Variants in FARP1 observed in about 807,000 individuals in gnomAD.
FARP1 encodes FERM, ARHGEF and pleckstrin domain-containing protein 1.
FARP1 carries 52 observed loss-of-function variants against 128.8 expected under a neutral mutation model. The observed-to-expected ratio is 0.40, with a 90% CI of 0.32 to 0.51. FARP1 has a LOEUF of 0.51. Ranked by LOEUF, FARP1 falls within the 20% of genes least tolerant of loss-of-function variation. The pLI is 0.45. For synonymous variants in FARP1, 580 were observed against 551.8 expected (o/e 1.05, Z -0.72); for missense variants, 1,333 against 1,367.9 (o/e 0.97, Z 0.40).
rs180690289 is a variant in FARP1, at chr13:98,418,836, A to G, written c.1827-5736A>G. ...GTGCCCTGTTGATAACAGGAATGAT[A>G]CCGGGGCTCACCTGGATGCTATCAA... On this transcript the variant is annotated intron_variant, in intron 16 of 26. Transcript: ENST00000319562. Among the ~76,000 whole-genome samples, 148 of 152,332 alleles carry G rather than the reference A, an allele frequency of 9.7e-4. 1 individual carries two copies. Among genetic ancestry groups the G allele is most frequent in the African/African-American group, 3.5e-3 (145 of 41,562 alleles).
At chr13:98,299,784 G>A (rs552517964) in intron 2 of FARP1, among the ~76,000 whole-genome samples, 9 of 152,294 alleles carry the variant, frequency 5.9e-5, no homozygotes, top group East Asian at 5.8e-4. Flanking sequence ...TGCAACACAC[G>A]ACTGCACGGA....
chr13:98,148,253 CTG>C (rs1263033291), intron 1 of FARP1, among the ~76,000 whole-genome samples: 3 of 152,186 alleles, frequency 2.0e-5, no homozygotes, highest in Admixed American at 2.0e-4. Flanking sequence ...TGGCGCGTGA[CTG>C]TAATCCCAGC....
chr13:98,352,691 A>G (rs1380497632), intron 3 of FARP1, among the ~76,000 whole-genome samples: 3 of 152,246 alleles, frequency 2.0e-5, no homozygotes, highest in South Asian at 2.1e-4. Context: ...AGAGACTTCA[A>G]TGTGTTCTTC....
intron 2 of FARP1, among the ~76,000 whole-genome samples, chr13:98,266,362 G>A (rs1884115850): frequency 6.6e-6 from 1 of 152,146 alleles, no homozygotes. Flanking sequence ...GTGTGGTCTT[G>A]GGCAGGTTTG....
In FARP1 at chr13:98,312,541, G is replaced by A. The variant is rs542411214; in HGVS notation, c.172-31221G>A. Among the ~76,000 whole-genome samples the A allele has an allele frequency of 4.6e-5, 7 of 152,198 alleles. No individual in the cohort carries two copies. The East Asian group carries it at 1.4e-3, about 29-fold the overall frequency. ...ATAGAGAAAAGATGGATTTATTCTA[G>A]CATTTCAGTTTTAATTTTGATGATA... is the stretch of plus-strand genomic sequence containing the variant. On this transcript the variant is annotated intron_variant, in intron 2 of 26. Coordinates refer to ENST00000319562, the MANE Select transcript of FARP1 (RefSeq NM_005766.4).
In FARP1 at chr13:98,409,543, C is replaced by G. The variant is rs756606684; in HGVS notation, c.1602+18C>G. 3 of 1,578,962 alleles carry G rather than the reference C, an allele frequency of 1.9e-6. No individual in the cohort carries two copies. The African/African-American group carries it at 4.1e-5, about 21-fold the overall frequency. On this transcript the variant is annotated intron_variant, in intron 14 of 26. Coordinates refer to ENST00000319562, the MANE Select transcript of FARP1 (RefSeq NM_005766.4). Reference sequence around the variant, plus strand: ...GGAGGAAGGTACAGGGCCGAGGGCTCAAGCGCGTGTGTGGCTGTGTGTGCA... The same window carrying G: ...GGAGGAAGGTACAGGGCCGAGGGCTGAAGCGCGTGTGTGGCTGTGTGTGCA...
chr13:98,375,635 G>C (rs1340081338), intron 5 of FARP1, among the ~76,000 whole-genome samples: 1 of 151,844 alleles, frequency 6.6e-6, no homozygotes, highest in Non-Finnish European at 1.5e-5. Context: ...TATTGTTTTT[G>C]TTTTTGTTTT....
At chr13:98,217,776 G>A (rs1363668482) in intron 2 of FARP1, among the ~76,000 whole-genome samples, 3 of 152,304 alleles carry the variant, frequency 2.0e-5, no homozygotes, top group South Asian at 4.2e-4. Flanking sequence ...AGGTAGAGTG[G>A]CCACTCCTTG....
intron 2 of FARP1, among the ~76,000 whole-genome samples, chr13:98,217,486 T>A (rs1459016893): frequency 2.6e-5 from 4 of 152,188 alleles, no homozygotes; most frequent in Admixed American, 1.3e-4. Context: ...CTTGTAACTT[T>A]CTCGTGTTGC....
chr13:98,420,527 T>C (rs1245072791), intron 16 of FARP1, among the ~76,000 whole-genome samples: 1 of 152,138 alleles, frequency 6.6e-6, no homozygotes, highest in African/African-American at 2.4e-5. Context: ...CGTGTGTGGG[T>C]GTGTGTTGCG....
intron 6 of FARP1, among the ~76,000 whole-genome samples, chr13:98,381,014 G>C (rs141552211): frequency 6.6e-6 from 1 of 152,178 alleles, no homozygotes; most frequent in East Asian, 1.9e-4. Flanking sequence ...TCTCAGTCCA[G>C]TATACCATTT....
In FARP1 at chr13:98,201,463, G is replaced by A. The variant is rs145377583; in HGVS notation, c.-23-11757G>A. 2.5e-3 allele frequency among the ~76,000 whole-genome samples: 383 copies of A among 152,264 alleles called. 5 individuals carry two copies. The highest frequency in any genetic ancestry group is 9.1e-3 in the African/African-American group (377 of 41,540). On this transcript the variant is annotated intron_variant, in intron 1 of 26. Coordinates refer to ENST00000319562, the MANE Select transcript of FARP1 (RefSeq NM_005766.4). Reference sequence around the variant, plus strand: ...GACCCTGCCTCAAAGAAACAGAACGGCAAAAGCTTAGTGCCAGGAAGATAC... The same window carrying A: ...GACCCTGCCTCAAAGAAACAGAACGACAAAAGCTTAGTGCCAGGAAGATAC...
chr13:98,199,877 C>G (rs1209112256), intron 1 of FARP1, among the ~76,000 whole-genome samples: 1 of 152,148 alleles, frequency 6.6e-6, no homozygotes, highest in Non-Finnish European at 1.5e-5. Flanking sequence ...AGTTTGTACT[C>G]TCAGAATCAT....
intron 2 of FARP1, among the ~76,000 whole-genome samples, chr13:98,235,926 C>T (rs147542167): frequency 3.3e-5 from 5 of 151,078 alleles, no homozygotes; most frequent in African/African-American, 9.8e-5. Flanking sequence ...TGGGTTAAAG[C>T]AATTCCCCTG....
At chr13:98,347,305 G>A (rs1888222244) in intron 3 of FARP1, among the ~76,000 whole-genome samples, 1 of 152,200 alleles carries the variant, frequency 6.6e-6, no homozygotes. Context: ...CCATTTGTAA[G>A]TGTGTAGTTC....
intron 1 of FARP1, among the ~76,000 whole-genome samples, chr13:98,160,926 G>A (rs571633840): frequency 7.9e-5 from 12 of 152,088 alleles, no homozygotes; most frequent in African/African-American, 2.9e-4. Flanking sequence ...TGATCCACCC[G>A]CTTAACCTCC....
At position 98,453,347 on chromosome 13, in the gene FARP1, T is replaced by C; in HGVS notation, c.*5030T>C. On this transcript the variant is annotated 3_prime_UTR_variant, in exon 27 of 27. Transcript: ENST00000319562. ...AATAAGTGGAGCAAATATCAATGTGTAAGTCTAATTTTAAAAGAATGCATA... is the reference window on the plus strand; with the variant it reads ...AATAAGTGGAGCAAATATCAATGTGCAAGTCTAATTTTAAAAGAATGCATA... 1 of 827,654 alleles carries C rather than the reference T, an allele frequency of 1.2e-6. No individual in the cohort carries two copies. Among genetic ancestry groups the C allele is most frequent in the South Asian group, 1.7e-5 (1 of 59,132 alleles). 51.3% of individuals were successfully genotyped at this position (827,654 alleles called of 1,614,324 possible).
At chr13:98,221,047 C>T (rs1271912134) in intron 2 of FARP1, among the ~76,000 whole-genome samples, 1 of 152,148 alleles carries the variant, frequency 6.6e-6, no homozygotes, top group Non-Finnish European at 1.5e-5. Context: ...AGTGCAGGCC[C>T]TGGGTCTGGG....
chr13:98,197,775 C>T (rs1879662653), intron 1 of FARP1, among the ~76,000 whole-genome samples: 1 of 151,832 alleles, frequency 6.6e-6, no homozygotes, highest in African/African-American at 2.4e-5. Context: ...GCTGGGTCTA[C>T]AGGCACCCGC....
Sources: allele counts gnomAD v4.1 joint callset (sites outside exome capture counted in the v4.1 genomes callset), GRCh38; gene constraint gnomAD v4.1.1; transcripts MANE v1.5; gene names NCBI Gene and HGNC (gene_info 2026-07-23, HGNC 2026-07-21).